Variants in MAP3K20 observed in about 807,000 individuals in gnomAD.
MAP3K20 encodes HCCS-4.
MAP3K20 carries 40 observed loss-of-function variants against 85.7 expected under a neutral mutation model. The ratio of observed to expected loss-of-function variants is 0.47; its 90% CI spans 0.36 to 0.61. The LOEUF is 0.61. MAP3K20 is among the 20% of genes least tolerant of loss of function. The pLI, the probability that MAP3K20 is intolerant of heterozygous loss-of-function variation, is 0.00. For missense variants in MAP3K20, 817 were observed against 961.7 expected (o/e 0.85, Z 1.99); for synonymous variants, 325 against 327.7 (o/e 0.99, Z 0.09).
chr2:173,160,830 G>A (rs1689636379), intron 2 of MAP3K20, among the ~76,000 whole-genome samples: 1 of 152,162 alleles, frequency 6.6e-6, no homozygotes, highest in Non-Finnish European at 1.5e-5. Context: ...TATGATACTG[G>A]CCCTGGCCTA....
At chr2:173,156,912 G>T (rs1378096440) in intron 2 of MAP3K20, among the ~76,000 whole-genome samples, 1 of 152,128 alleles carries the variant, frequency 6.6e-6, no homozygotes, top group African/African-American at 2.4e-5. Context: ...TGGTTTCAGG[G>T]GCCATCAAGG....
chr2:173,078,670 C>CA (rs1387898195), intron 1 of MAP3K20, among the ~76,000 whole-genome samples: 1 of 152,222 alleles, frequency 6.6e-6, no homozygotes, highest in Non-Finnish European at 1.5e-5. Flanking sequence ...AGCAGCCCCA[C>CA]ATTTGACACC....
chr2:173,251,509 G>A (rs1006596979), intron 16 of MAP3K20, among the ~76,000 whole-genome samples: 1 of 152,174 alleles, frequency 6.6e-6, no homozygotes, highest in African/African-American at 2.4e-5. Context: ...GTAAGGCTGC[G>A]AGGATTAATT....
intron 2 of MAP3K20, among the ~76,000 whole-genome samples, chr2:173,111,450 T>G (rs936374380): frequency 9.2e-5 from 14 of 152,240 alleles, no homozygotes; most frequent in Non-Finnish European, 1.5e-4. Flanking sequence ...TATTCATCTT[T>G]GTTTTTATTG....
chr2:173,106,861 G>A (rs1360924939), intron 2 of MAP3K20, among the ~76,000 whole-genome samples: 2 of 152,148 alleles, frequency 1.3e-5, no homozygotes, highest in African/African-American at 4.8e-5. Flanking sequence ...GCAAGTAGGG[G>A]GCCTGGATTT....
intron 2 of MAP3K20, among the ~76,000 whole-genome samples, chr2:173,165,957 T>G (rs1689807915): frequency 6.6e-6 from 1 of 152,208 alleles, no homozygotes; most frequent in South Asian, 2.1e-4. Context: ...ATTACAGGCA[T>G]GAGTCCCCGT....
intron 2 of MAP3K20, among the ~76,000 whole-genome samples, chr2:173,108,222 T>C (rs1687841814): frequency 6.6e-6 from 1 of 152,052 alleles, no homozygotes; most frequent in Non-Finnish European, 1.5e-5. Flanking sequence ...AACTTCTGCC[T>C]CCCAGGTTCA....
rs2106326764 is a variant in MAP3K20, at chr2:173,226,527, G to A, written c.988-3162G>A. 5 of 985,770 alleles carry A rather than the reference G, an allele frequency of 5.1e-6. No homozygotes were observed. In the South Asian group the frequency reaches 1.4e-4, roughly 28 times the overall value. 61.1% of individuals were successfully genotyped at this position (985,770 alleles called of 1,614,324 possible). A position where few individuals can be genotyped will look rare whatever the true frequency, so the allele number is the denominator to read the frequency against. ...ATTCTCTCCTCTCGATTGTAGCATAGCCTGACAGCTCTAGATACAGCATTT... is the reference window on the plus strand; with the variant it reads ...ATTCTCTCCTCTCGATTGTAGCATAACCTGACAGCTCTAGATACAGCATTT... On this transcript the variant is annotated intron_variant, in intron 11 of 19. Coordinates refer to ENST00000375213, the MANE Select transcript of MAP3K20 (RefSeq NM_016653.3).
At chr2:173,255,209 G>A (rs913032109) in intron 16 of MAP3K20, among the ~76,000 whole-genome samples, 4 of 152,210 alleles carry the variant, frequency 2.6e-5, no homozygotes, top group Admixed American at 2.0e-4. Context: ...CTGCAGGGAG[G>A]ATGATGGCCA....
chr2:173,222,908 A>C, intron 11 of MAP3K20: 1 of 985,136 alleles, frequency 1.0e-6, no homozygotes, highest in South Asian at 4.7e-5. Flanking sequence ...TATATGAGGC[A>C]AAAGAACTAA....
chr2:173,243,602 T>TA (rs1684843317), intron 16 of MAP3K20, among the ~76,000 whole-genome samples: 1 of 152,086 alleles, frequency 6.6e-6, no homozygotes, highest in East Asian at 1.9e-4. Context: ...AGAGAGCAGA[T>TA]AGGATCAGAT....
At chr2:173,136,820 A>G (rs755929616) in intron 2 of MAP3K20, among the ~76,000 whole-genome samples, 3 of 152,252 alleles carry the variant, frequency 2.0e-5, no homozygotes, top group East Asian at 1.9e-4. Flanking sequence ...AGAAGTTTGC[A>G]TAAAAGCTCA....
intron 11 of MAP3K20, among the ~76,000 whole-genome samples, chr2:173,218,323 A>G (rs754435418): frequency 2.6e-5 from 4 of 152,258 alleles, no homozygotes; most frequent in Non-Finnish European, 5.9e-5. Context: ...GGAAAATACC[A>G]TGAAGCTAAA....
chr2:173,261,757 C>T (rs1016080598), intron 18 of MAP3K20, among the ~76,000 whole-genome samples: 1 of 152,176 alleles, frequency 6.6e-6, no homozygotes, highest in Non-Finnish European at 1.5e-5. Context: ...TGGCTCACAC[C>T]TGTAATCTCA....
intron 15 of MAP3K20, 23 bp downstream of exon 15, chr2:173,238,458 A>G (rs1684703037): frequency 6.3e-7 from 1 of 1,591,502 alleles, no homozygotes; most frequent in Non-Finnish European, 8.6e-7. Context: ...TTTCTTACCG[A>G]CACTAATGCT....
At chr2:173,230,292 C>T (rs552951345) in intron 12 of MAP3K20, among the ~76,000 whole-genome samples, 106 of 151,822 alleles carry the variant, frequency 7.0e-4, no homozygotes, top group African/African-American at 2.4e-3. Flanking sequence ...AGTGGCAGCT[C>T]GGGAAAACAA....
intron 11 of MAP3K20, chr2:173,221,707 A>G (rs973506307): frequency 7.6e-7 from 1 of 1,317,164 alleles, no homozygotes; most frequent in African/African-American, 1.5e-5. Context: ...TGCTTACAGA[A>G]AAACGGGGGG....
At chr2:173,116,534 C>G (rs1344284293) in intron 2 of MAP3K20, among the ~76,000 whole-genome samples, 1 of 152,186 alleles carries the variant, frequency 6.6e-6, no homozygotes, top group Non-Finnish European at 1.5e-5. Flanking sequence ...TTTGCTGCCA[C>G]CCCTCATCAC....
chr2:173,183,394 CA>C (rs918103352), intron 4 of MAP3K20, among the ~76,000 whole-genome samples: 3 of 151,786 alleles, frequency 2.0e-5, no homozygotes, highest in East Asian at 1.9e-4. Context: ...AAACCACTTG[CA>C]AAAAAAATTT....
Sources: gnomAD v4.1 joint callset for allele counts (sites outside exome capture counted in the v4.1 genomes callset) on GRCh38, gnomAD v4.1.1 for gene constraint, MANE v1.5 for transcripts, NCBI Gene and HGNC (gene_info 2026-07-23, HGNC 2026-07-21) for gene names.